The following ERBB4 variants were observed in gnomAD, a reference collection of about 807,000 sequenced individuals.
ERBB4 encodes the protein erb-b2 receptor tyrosine kinase 4.
A neutral mutation model predicts 158.0 loss-of-function variants in ERBB4; 42 were observed. That is an observed-to-expected ratio of 0.27 (90% CI 0.21 to 0.34). The LOEUF (loss-of-function observed/expected upper bound fraction) is 0.34. ERBB4 is among the 10% of genes least tolerant of loss of function. The pLI is 1.00. For synonymous variants in ERBB4, 583 were observed against 558.7 expected (o/e 1.04, Z -0.61); for missense variants, 1,333 against 1,624.1 (o/e 0.82, Z 3.08).
At chr2:212,098,113 G>A (rs2078982163) in intron 2 of ERBB4, among the ~76,000 whole-genome samples, 1 of 152,268 alleles carries the variant, frequency 6.6e-6, no homozygotes, top group Middle Eastern at 3.4e-3. Context: ...TGCTGATACT[G>A]ATACCATGAG....
chr2:211,622,045 T>C (rs2069625068), intron 18 of ERBB4, among the ~76,000 whole-genome samples: 1 of 152,222 alleles, frequency 6.6e-6, no homozygotes. Flanking sequence ...AGAATGATTG[T>C]CAGTATGGAT....
At chr2:212,404,800 C>G (rs1012135428) in intron 1 of ERBB4, among the ~76,000 whole-genome samples, 1 of 152,004 alleles carries the variant, frequency 6.6e-6, no homozygotes, top group East Asian at 1.9e-4. Flanking sequence ...CTCCCTCCTC[C>G]CACTCTCCAC....
At chr2:211,899,375 G>C (rs2079176429) in intron 3 of ERBB4, among the ~76,000 whole-genome samples, 1 of 151,900 alleles carries the variant, frequency 6.6e-6, no homozygotes, top group South Asian at 2.1e-4. Flanking sequence ...TTTTATTTCA[G>C]TTCTAAAATC....
chr2:212,468,099 T>A (rs1160366242), intron 1 of ERBB4, among the ~76,000 whole-genome samples: 1 of 152,156 alleles, frequency 6.6e-6, no homozygotes, highest in African/African-American at 2.4e-5. Flanking sequence ...TGTACCCCCA[T>A]TGTATCTAGG....
intron 1 of ERBB4, among the ~76,000 whole-genome samples, chr2:212,291,773 A>C (rs17346713): frequency 1.3e-5 from 2 of 151,978 alleles, no homozygotes; most frequent in Non-Finnish European, 2.9e-5. Context: ...CAGAGAAATC[A>C]AATTTAACAG....
chr2:212,407,729 T>C (rs2091388127), intron 1 of ERBB4, among the ~76,000 whole-genome samples: 1 of 152,076 alleles, frequency 6.6e-6, no homozygotes, highest in South Asian at 2.1e-4. Flanking sequence ...TTCAATGAAT[T>C]AGAAGTTTTG....
chr2:212,069,885 A>G (rs2078059477), intron 2 of ERBB4, among the ~76,000 whole-genome samples: 1 of 151,968 alleles, frequency 6.6e-6, no homozygotes, highest in Non-Finnish European at 1.5e-5. Context: ...TGGGAGGCTG[A>G]GGTGAGAGGA....
At chr2:211,601,849 T>C (rs2068810923) in intron 19 of ERBB4, among the ~76,000 whole-genome samples, 3 of 152,022 alleles carry the variant, frequency 2.0e-5, no homozygotes, top group Admixed American at 2.0e-4. Context: ...AAAATAAATA[T>C]TACCATGTAT....
chr2:211,813,736 A>G (rs2105922866), intron 3 of ERBB4, among the ~76,000 whole-genome samples: 1 of 151,264 alleles, frequency 6.6e-6, no homozygotes, highest in Non-Finnish European at 1.5e-5. Context: ...ACTAGTTCTC[A>G]TTGCCTTTCA....
intron 20 of ERBB4, among the ~76,000 whole-genome samples, chr2:211,449,648 T>C (rs922538932): frequency 6.6e-6 from 1 of 152,180 alleles, no homozygotes; most frequent in African/African-American, 2.4e-5. Context: ...GCCCATTTTA[T>C]TACTGAAGAC....
intron 3 of ERBB4, among the ~76,000 whole-genome samples, chr2:211,853,552 T>C (rs12998554): frequency 0.22 from 32,926 of 151,850 alleles, 3,700 homozygotes; most frequent in South Asian, 0.32. Context: ...ATTAGCCTCT[T>C]TCCTTTCAAA....
chr2:211,588,405 G>C lies in ERBB4; in HGVS notation c.2302-26317C>G, dbSNP rs1035969606. ...GCAAACATAAATGCTTGGAACAAAT[G>C]AGGATACGCTTTCAAATCCAATTTA... On this transcript the variant is annotated intron_variant, in intron 19 of 27. Transcript: ENST00000342788. Among the ~76,000 whole-genome samples the C allele has an allele frequency of 2.6e-5, 4 of 152,186 alleles. No individual in the cohort carries two copies. The East Asian group carries it at 5.8e-4, about 22-fold the overall frequency.
At chr2:211,877,577 T>TTTC (rs35579501) in intron 3 of ERBB4, among the ~76,000 whole-genome samples, 1 of 151,824 alleles carries the variant, frequency 6.6e-6, no homozygotes, top group African/African-American at 2.4e-5. Context: ...TTTTTTTTTT[T>TTTC]CCATTTCAGG....
At chr2:211,816,591 T>C (rs2076885768) in intron 3 of ERBB4, among the ~76,000 whole-genome samples, 1 of 142,370 alleles carries the variant, frequency 7.0e-6, no homozygotes, top group African/African-American at 2.6e-5. Context: ...TATTCATGAA[T>C]AAGCATTGAT....
rs1205561071 is a variant in ERBB4, at chr2:211,673,356, C to A, written c.1623-99G>T. On this transcript the variant is annotated intron_variant, in intron 13 of 27. Transcript: ENST00000342788. ...AAAAGTCCTATTGGCAGAGTAAATT[C>A]TAAAGTTTGTTTCTCTATGTGCCAG... 9.4e-6 allele frequency: 8 copies of A among 853,908 alleles called. No homozygotes were observed. The East Asian group carries it at 1.7e-4, about 19-fold the overall frequency. The allele number at this position is 853,908 out of a possible 1,614,324, so 52.9% of individuals were successfully genotyped here.
At chr2:211,977,595 T>A (rs2081649674) in intron 2 of ERBB4, among the ~76,000 whole-genome samples, 1 of 142,340 alleles carries the variant, frequency 7.0e-6, no homozygotes, top group African/African-American at 2.6e-5. Context: ...CCTAGCGCTT[T>A]GGGAGCCCAA....
chr2:211,887,253 T>TACACACAC (rs112197898), intron 3 of ERBB4, among the ~76,000 whole-genome samples: 2,744 of 145,380 alleles, frequency 0.019, 87 homozygotes, highest in African/African-American at 0.065. Context: ...AACAGAGGAT[T>TACACACAC]ACACACACAC....
rs536766671 is a variant in ERBB4 at position 211,782,498 on chromosome 2, C to G, written c.556+5527G>C. On this transcript the variant is annotated intron_variant, in intron 4 of 27. Coordinates refer to ENST00000342788, the MANE Select transcript of ERBB4 (RefSeq NM_005235.3). ...TTTTATAGGTAAGGAGATAGAGTGA[C>G]TGAGGGCATAGATGACTTGCTTAAG... 1.8e-3 allele frequency among the ~76,000 whole-genome samples: 278 copies of G among 152,064 alleles called. 2 individuals are homozygous for G. The highest frequency in any genetic ancestry group is 6.2e-3 in the African/African-American group (259 of 41,520).
At position 211,665,492 on chromosome 2, in the gene ERBB4, CG is replaced by C; in HGVS notation, c.1717-16del. Reference sequence around the variant, plus strand: ...TTGTCAGGACCCTGAAATGTGAAAACGAAAAAAAAAGAAAAAAGAAAAGTGG... The same window carrying C: ...TTGTCAGGACCCTGAAATGTGAAAACAAAAAAAAAGAAAAAAGAAAAGTGG... On this transcript the variant is annotated splice_polypyrimidine_tract_variant and intron_variant, in intron 14 of 27. Transcript: ENST00000342788. 1 of 1,597,864 alleles carries C rather than the reference CG, an allele frequency of 6.3e-7. No homozygotes were observed.
Sources: allele counts gnomAD v4.1 joint callset (sites outside exome capture counted in the v4.1 genomes callset), GRCh38; gene constraint gnomAD v4.1.1; transcripts MANE v1.5; gene names NCBI Gene and HGNC (gene_info 2026-07-23, HGNC 2026-07-21).